SGK1: variants seen among roughly 807,000 people sequenced by gnomAD.
The protein encoded by SGK1 is serine/threonine-protein kinase Sgk1.
SGK1 carries 26 observed loss-of-function variants against 64.2 expected under a neutral mutation model. That is an observed-to-expected ratio of 0.40 (90% CI 0.30 to 0.56). The LOEUF (loss-of-function observed/expected upper bound fraction) is 0.56. Ranked by LOEUF, SGK1 falls within the 20% of genes least tolerant of loss-of-function variation. The pLI is 0.38. For missense variants in SGK1, 519 were observed against 645.6 expected, an observed-to-expected ratio of 0.80 and a Z score of 2.12; for synonymous variants, 265 against 239.7, an observed-to-expected ratio of 1.11 and a Z score of -0.98.
chr6:134,309,974 C>G (rs1192185729), intron 1 of SGK1, among the ~76,000 whole-genome samples: 1 of 152,120 alleles, frequency 6.6e-6, no homozygotes, highest in African/African-American at 2.4e-5. Context: ...ACCTAAATTA[C>G]TAATTAAACT....
chr6:134,299,513 A>G (rs1402209926), intron 1 of SGK1, among the ~76,000 whole-genome samples: 1 of 152,190 alleles, frequency 6.6e-6, no homozygotes, highest in African/African-American at 2.4e-5. Context: ...CTGAGAGATC[A>G]GAGGTGGGGA....
At chr6:134,178,119 GA>G (rs1174841806) in intron 3 of SGK1, among the ~76,000 whole-genome samples, 7 of 152,322 alleles carry the variant, frequency 4.6e-5, no homozygotes, top group African/African-American at 1.7e-4. Flanking sequence ...ATTCCGGGAG[GA>G]ACGTGGCATT....
intron 2 of SGK1, among the ~76,000 whole-genome samples, chr6:134,232,483 G>GAAAGAA (rs1554222987): frequency 3.3e-5 from 4 of 119,492 alleles, no homozygotes; most frequent in African/African-American, 1.1e-4. Flanking sequence ...AAGAAAGAAA[G>GAAAGAA]AGAAAGAAAA....
At chr6:134,307,988 C>A (rs1777559511) in intron 1 of SGK1, among the ~76,000 whole-genome samples, 1 of 152,188 alleles carries the variant, frequency 6.6e-6, no homozygotes, top group South Asian at 2.1e-4. Flanking sequence ...AGGTCCTGCA[C>A]CCAGCACGTG....
intron 2 of SGK1, among the ~76,000 whole-genome samples, chr6:134,232,474 A>AGAAAGAAAGAAAGAAAGG: frequency 9.5e-5 from 1 of 10,536 alleles, no homozygotes; most frequent in Admixed American, 5.8e-4. Context: ...AAAGAAAGAA[A>AGAAAGAAAGAAAGAAAGG]GAAAGAAAGA....
At chr6:134,297,817 T>C (rs1777384533) in intron 1 of SGK1, 2 of 668,676 alleles carry the variant, frequency 3.0e-6, no homozygotes, top group South Asian at 3.1e-5. Context: ...TCAGTCTTTG[T>C]ATGCTGCAGG....
intron 2 of SGK1, among the ~76,000 whole-genome samples, chr6:134,223,380 A>G (rs1266185270): frequency 7.0e-6 from 1 of 143,652 alleles, no homozygotes; most frequent in East Asian, 2.1e-4. Context: ...AAAAAAAAAA[A>G]GGGATAATAT....
At chr6:134,174,857 C>A (rs1775168927) in intron 3 of SGK1, 18 of 1,612,046 alleles carry the variant, frequency 1.1e-5, no homozygotes, top group Non-Finnish European at 1.3e-5. Flanking sequence ...ACCGGCTCGG[C>A]GTATGCTGCG....
At chr6:134,251,206 C>A (rs1459002897) in intron 2 of SGK1, among the ~76,000 whole-genome samples, 1 of 151,964 alleles carries the variant, frequency 6.6e-6, no homozygotes, top group Admixed American at 6.6e-5. Flanking sequence ...TAATGATAAA[C>A]TTTGAGGAAA....
intron 1 of SGK1, among the ~76,000 whole-genome samples, chr6:134,292,062 CAAA>C (rs35485310): frequency 7.5e-6 from 1 of 132,982 alleles, no homozygotes. Context: ...GACTCTCTCT[CAAA>C]AAAAAAAAAA....
At chr6:134,289,799 A>C (rs989260849) in intron 1 of SGK1, among the ~76,000 whole-genome samples, 13 of 152,134 alleles carry the variant, frequency 8.5e-5, no homozygotes. Flanking sequence ...TGAGCACAGG[A>C]GTTCAAGACC....
chr6:134,230,642 G>A (rs1283921501), intron 2 of SGK1, among the ~76,000 whole-genome samples: 1 of 152,158 alleles, frequency 6.6e-6, no homozygotes, highest in African/African-American at 2.4e-5. Flanking sequence ...GGATTATGGG[G>A]ATTACAATTC....
chr6:134,290,012 G>A (rs1045762473), intron 1 of SGK1, among the ~76,000 whole-genome samples: 16 of 151,908 alleles, frequency 1.1e-4, no homozygotes, highest in Admixed American at 9.2e-4. Context: ...TTAGCTGGGC[G>A]TGGTGGCAGG....
At chr6:134,195,681 G>T (rs1399402418) in intron 3 of SGK1, among the ~76,000 whole-genome samples, 2 of 152,140 alleles carry the variant, frequency 1.3e-5, no homozygotes, top group East Asian at 3.8e-4. Context: ...TTGCTTTCTA[G>T]ATCTTAGCTT....
intron 1 of SGK1, chr6:134,297,134 G>C (rs1469937564): frequency 1.2e-5 from 7 of 569,152 alleles, no homozygotes; most frequent in Non-Finnish European, 2.3e-5. Context: ...TGGGACTTGT[G>C]AGGCCCCCAT....
intron 1 of SGK1, among the ~76,000 whole-genome samples, chr6:134,286,742 C>T (rs1004970650): frequency 6.6e-6 from 1 of 152,120 alleles, no homozygotes; most frequent in Non-Finnish European, 1.5e-5. Flanking sequence ...GCTGAGATTA[C>T]AGGCGTGAGC....
In SGK1 at chr6:134,188,613, A is replaced by G. The variant is rs573215302; in HGVS notation, c.362-14027T>C. Among the ~76,000 whole-genome samples, 93 of 152,316 alleles carry G rather than the reference A, an allele frequency of 6.1e-4. 2 individuals carry two copies. The South Asian group carries it at 0.016, about 26-fold the overall frequency. On this transcript the variant is annotated intron_variant, in intron 3 of 13. Coordinates refer to ENST00000367858, the MANE Select transcript of SGK1 (RefSeq NM_001143676.3). ...GACACACAGGCTTCACCTCACACAG[A>G]GACATGAAAACAATAATCCACCAAC...
At chr6:134,307,720 T>C (rs1777554939) in intron 1 of SGK1, among the ~76,000 whole-genome samples, 1 of 152,226 alleles carries the variant, frequency 6.6e-6, no homozygotes, top group Non-Finnish European at 1.5e-5. Context: ...TCCCAAATAT[T>C]TGACCTGCAG....
At chr6:134,301,243 C>T (rs1357029867) in intron 1 of SGK1, among the ~76,000 whole-genome samples, 5 of 152,080 alleles carry the variant, frequency 3.3e-5, no homozygotes, top group Admixed American at 3.3e-4. Context: ...ATGAATGAAC[C>T]TGTGTGTGGA....
Sources: gnomAD v4.1 joint callset for allele counts (sites outside exome capture counted in the v4.1 genomes callset) on GRCh38, gnomAD v4.1.1 for gene constraint, MANE v1.5 for transcripts, NCBI Gene and HGNC (gene_info 2026-07-23, HGNC 2026-07-21) for gene names.